The following AGBL4 variants were observed in gnomAD, a reference collection of about 807,000 sequenced individuals.
AGBL4 encodes AGBL carboxypeptidase 4.
AGBL4 carries 58 observed loss-of-function variants against 66.4 expected under a neutral mutation model. That is an observed-to-expected ratio of 0.87 (90% CI 0.71 to 1.09). AGBL4 has a LOEUF of 1.09. AGBL4 is among the 50% of genes least tolerant of loss of function. The pLI is 0.00. For synonymous variants in AGBL4, 234 were observed against 222.9 expected, an observed-to-expected ratio of 1.05 and a Z score of -0.44; for missense variants, 579 against 631.0, an observed-to-expected ratio of 0.92 and a Z score of 0.88.
intron 3 of AGBL4, among the ~76,000 whole-genome samples, chr1:49,261,403 G>C (rs565917355): frequency 6.6e-6 from 1 of 152,162 alleles, no homozygotes; most frequent in Non-Finnish European, 1.5e-5. Flanking sequence ...TGTATATCTA[G>C]AAGACCCCAT....
At chr1:49,573,787 A>G (rs1039421299) in intron 3 of AGBL4, among the ~76,000 whole-genome samples, 3 of 152,158 alleles carry the variant, frequency 2.0e-5, no homozygotes, top group Non-Finnish European at 2.9e-5. Flanking sequence ...CATTGATTGG[A>G]AAGAATGGGA....
chr1:49,949,984 G>GTA (rs200645395), intron 1 of AGBL4, among the ~76,000 whole-genome samples: 318 of 134,792 alleles, frequency 2.4e-3, no homozygotes, highest in African/African-American at 5.2e-3. Flanking sequence ...ACACACATAT[G>GTA]TATATATATA....
At chr1:48,995,259 GT>G (rs1660914549) in intron 5 of AGBL4, among the ~76,000 whole-genome samples, 1 of 152,184 alleles carries the variant, frequency 6.6e-6, no homozygotes, top group African/African-American at 2.4e-5. Context: ...TTAGGTACCT[GT>G]TTTGGCCTAT....
At chr1:49,107,629 T>C (rs1030598869) in intron 4 of AGBL4, among the ~76,000 whole-genome samples, 1 of 151,284 alleles carries the variant, frequency 6.6e-6, no homozygotes, top group African/African-American at 2.4e-5. Flanking sequence ...AGTGGATTAA[T>C]TGTCTGTGTG....
At chr1:48,528,135 T>C (rs1643889223), downstream of AGBL4, among the ~76,000 whole-genome samples, 1 of 152,106 alleles carries the variant, frequency 6.6e-6, no homozygotes, top group Admixed American at 6.5e-5. Context: ...TCTAAATGAT[T>C]TATAAGATGA....
intron 3 of AGBL4, among the ~76,000 whole-genome samples, chr1:49,314,754 G>A (rs934007150): frequency 6.6e-6 from 1 of 152,060 alleles, no homozygotes; most frequent in Admixed American, 6.6e-5. Flanking sequence ...CCAGCAATGA[G>A]ATTGCTGGGT....
At position 48,682,195 on chromosome 1, in the gene AGBL4, C is replaced by G. The variant is rs368649871; in HGVS notation, c.635-18954G>C. The stretch of plus-strand genomic sequence containing the variant: ...AATACCTTCATCTCAGATTTCTGGT[C>G]TTCAGAACTGTGAGAAAAGAAATTC... On this transcript the variant is annotated intron_variant, in intron 6 of 13. Transcript: ENST00000371839. Among the ~76,000 whole-genome samples, 204 of 152,302 alleles carry G rather than the reference C, an allele frequency of 1.3e-3. 3 individuals carry two copies. In the South Asian group the frequency reaches 0.038, roughly 29 times the overall value.
intron 4 of AGBL4, among the ~76,000 whole-genome samples, chr1:49,227,236 ATC>A (rs1649982238): frequency 6.6e-6 from 1 of 152,242 alleles, no homozygotes; most frequent in South Asian, 2.1e-4. Flanking sequence ...TAAGAACAAA[ATC>A]TCTTTTTTTC....
chr1:49,645,974 T>A (rs1419886530), intron 3 of AGBL4, among the ~76,000 whole-genome samples: 2 of 151,398 alleles, frequency 1.3e-5, no homozygotes, highest in Non-Finnish European at 1.5e-5. Flanking sequence ...ATATCCAACA[T>A]CAGTTCCTCA....
Position 49,134,735 on chromosome 1 carries a change from C to G in AGBL4, c.378-88935G>C, listed in dbSNP as rs12058485. On this transcript the variant is annotated intron_variant, in intron 4 of 13. Transcript: ENST00000371839. Reference sequence around the variant, plus strand: ...AAACACACATGCTTTATGAACAATTCGTGCAGTTAACGCAATCATCACAGG... The same window carrying G: ...AAACACACATGCTTTATGAACAATTGGTGCAGTTAACGCAATCATCACAGG... 2.1e-3 allele frequency among the ~76,000 whole-genome samples: 315 copies of G among 152,018 alleles called. 5 individuals are homozygous for G. The highest frequency in any genetic ancestry group is 7.0e-3 in the African/African-American group (292 of 41,484).
intron 2 of AGBL4, among the ~76,000 whole-genome samples, chr1:49,823,365 T>C (rs1645417577): frequency 6.6e-6 from 1 of 152,152 alleles, no homozygotes; most frequent in Non-Finnish European, 1.5e-5. Flanking sequence ...CATTGAGAAC[T>C]TGGAAGAATA....
intron 3 of AGBL4, among the ~76,000 whole-genome samples, chr1:49,386,430 G>A (rs1183317245): frequency 1.3e-5 from 2 of 151,844 alleles, no homozygotes; most frequent in African/African-American, 4.8e-5. Context: ...ATGATGTTCT[G>A]ATGTTAACCA....
chr1:49,167,911 T>C (rs1385545353), intron 4 of AGBL4, among the ~76,000 whole-genome samples: 1 of 152,154 alleles, frequency 6.6e-6, no homozygotes, highest in East Asian at 1.9e-4. Context: ...AAAAATACTA[T>C]TTTAAAAATA....
chr1:48,720,421 A>G (rs1647126766), intron 6 of AGBL4, among the ~76,000 whole-genome samples: 1 of 152,218 alleles, frequency 6.6e-6, no homozygotes, highest in African/African-American at 2.4e-5. Flanking sequence ...GATCTAAGGT[A>G]GCATCTAGCA....
intron 3 of AGBL4, among the ~76,000 whole-genome samples, chr1:49,621,160 A>G (rs773909978): frequency 1.3e-5 from 2 of 152,200 alleles, no homozygotes; most frequent in Non-Finnish European, 2.9e-5. Flanking sequence ...GTAAAGAAAT[A>G]GTACTTGAAC....
chr1:49,247,271 ATC>A (rs1402179263), intron 3 of AGBL4, among the ~76,000 whole-genome samples: 1 of 152,116 alleles, frequency 6.6e-6, no homozygotes, highest in Non-Finnish European at 1.5e-5. Flanking sequence ...TCAAAAGTAT[ATC>A]CTCTGGCCTC....
At chr1:49,277,824 A>G (rs1464430668) in intron 3 of AGBL4, among the ~76,000 whole-genome samples, 3 of 151,774 alleles carry the variant, frequency 2.0e-5, no homozygotes, top group African/African-American at 7.3e-5. Flanking sequence ...AAAGATAGGC[A>G]TTTTCCCATA....
intron 3 of AGBL4, among the ~76,000 whole-genome samples, chr1:49,326,426 A>AT (rs1645229534): frequency 6.6e-6 from 1 of 152,178 alleles, no homozygotes; most frequent in African/African-American, 2.4e-5. Context: ...TCAAGGGAAT[A>AT]TTTGAATAGA....
intron 5 of AGBL4, among the ~76,000 whole-genome samples, chr1:48,997,254 A>C (rs1661088512): frequency 6.6e-6 from 1 of 152,098 alleles, no homozygotes; most frequent in African/African-American, 2.4e-5. Flanking sequence ...TGTAGAAGAG[A>C]TAGGGATAAT....
Sources: allele counts gnomAD v4.1 joint callset (sites outside exome capture counted in the v4.1 genomes callset), GRCh38; gene constraint gnomAD v4.1.1; transcripts MANE v1.5; gene names NCBI Gene and HGNC (gene_info 2026-07-23, HGNC 2026-07-21).